Variants in RPS3A observed in about 807,000 individuals in gnomAD.
The protein encoded by RPS3A is small ribosomal subunit protein eS1.
A neutral mutation model predicts 26.4 loss-of-function variants in RPS3A; 1 was observed. That is an observed-to-expected ratio of 0.04 (90% confidence interval 0.01 to 0.18). The LOEUF (loss-of-function observed/expected upper bound fraction) is 0.18. Among genes scored for constraint, RPS3A ranks in the 10% least tolerant of loss-of-function variants. The probability of loss-of-function intolerance (pLI) is 1.00; values close to 1 mark genes in which losing one functional copy is unlikely to be tolerated. For synonymous variants in RPS3A, 97 were observed against 106.1 expected, an observed-to-expected ratio of 0.91 and a Z score of 0.53; for missense variants, 139 against 326.8, an observed-to-expected ratio of 0.43 and a Z score of 4.43.
intron 4 of RPS3A, 175 bp from the exon 5 acceptor site, chr4:151,104,002 A>T: frequency 6.7e-7 from 1 of 1,503,448 alleles, no homozygotes; most frequent in Admixed American, 2.3e-5. Context: ...CAGATCATCT[A>T]TCCTTTACAT....
intron 3 of RPS3A, chr4:151,102,156 T>C (rs561277411): frequency 4.2e-5 from 20 of 478,564 alleles, no homozygotes; most frequent in African/African-American, 3.6e-4. Flanking sequence ...TTTACATTTC[T>C]AGAAATATTT....
intron 4 of RPS3A, chr4:151,103,316 C>A: frequency 2.6e-6 from 2 of 770,258 alleles, no homozygotes; most frequent in Non-Finnish European, 3.6e-6. Flanking sequence ...GTATTGTGAT[C>A]CTCCTTGGCT....
intron 5 of RPS3A, 28 bp from the exon 6 acceptor site, chr4:151,104,439 GTTTTT>G: frequency 5.3e-4 from 373 of 710,008 alleles, no homozygotes; most frequent in East Asian, 1.3e-3. Context: ...CAGTTTTTTG[GTTTTT>G]TTTTTTTTTT....
intron 4 of RPS3A, chr4:151,103,750 A>G (rs1747232413): frequency 8.4e-7 from 1 of 1,186,230 alleles, no homozygotes. Flanking sequence ...AATAAAAAAT[A>G]TACGTATATA....
intron 4 of RPS3A, chr4:151,103,613 C>T (rs1362550034): frequency 3.5e-5 from 37 of 1,050,780 alleles, no homozygotes; most frequent in Non-Finnish European, 4.3e-5. Flanking sequence ...GGAAAATACA[C>T]TGAATAAGTT....
chr4:151,102,932 G>A lies in RPS3A; in HGVS notation c.416G>A (p.Cys139Tyr). Residue 139 changes from cysteine (C) to tyrosine (Y), a missense_variant, in exon 4 of 6, where the codon TGT becomes TAT. By Grantham distance (194) the Cys-to-Tyr change is radical. Coordinates refer to ENST00000274065, the MANE Select transcript of RPS3A (RefSeq NM_001006.5). ...GATGGTTACTTGCTTCGTCTGTTCT[G>A]TGTTGGTTTTACTAAAAAACGCAAC... Reference protein sequence around the residue: ...TTDGYLLRLFCVGFTKKRNNQ... With the variant: ...TTDGYLLRLFYVGFTKKRNNQ... 3 of 1,611,994 alleles carry A rather than the reference G, an allele frequency of 1.9e-6. No homozygotes were observed. Among genetic ancestry groups the A allele is most frequent in the Non-Finnish European group, 2.5e-6 (3 of 1,179,132 alleles).
At chr4:151,099,793 G>A in intron 1 of RPS3A, 79 bp downstream of exon 1, 1 of 1,442,166 alleles carries the variant, frequency 6.9e-7, no homozygotes, top group Non-Finnish European at 9.6e-7. Context: ...CGCGGCGTAG[G>A]CCGGATGGCG....
Position 151,100,885 on chromosome 4 carries a change from C to T in RPS3A, c.167-90C>T, listed in dbSNP as rs1169093702. 4.6e-6 allele frequency: 4 copies of T among 864,336 alleles called. No homozygotes were observed. The African/African-American group carries it at 5.1e-5, about 11-fold the overall frequency. The allele number at this position is 864,336 out of a possible 1,614,324, so 53.5% of individuals were successfully genotyped here. A position where few individuals can be genotyped will look rare whatever the true frequency, so the allele number is the denominator to read the frequency against. On this transcript the variant is annotated intron_variant, in intron 2 of 5. Coordinates refer to ENST00000274065, the MANE Select transcript of RPS3A (RefSeq NM_001006.5). ...CAAAGGTTAAGGTCTTTATAATTTA[C>T]CATTAACTTAATTTCTACCCTCAGT...
chr4:151,100,630 G>C (rs769238212), intron 2 of RPS3A, 42 bp downstream of exon 2: 11 of 1,171,924 alleles, frequency 9.4e-6, no homozygotes, highest in Non-Finnish European at 1.4e-5. Flanking sequence ...TTAAGTTGGC[G>C]CTTGTATATT....
intron 3 of RPS3A, chr4:151,102,048 G>A (rs762206338): frequency 3.9e-6 from 2 of 518,068 alleles, no homozygotes; most frequent in South Asian, 1.4e-5. Flanking sequence ...CGAATATTTT[G>A]TATGTGGGAA....
At chr4:151,104,439 G>GTT (rs386401872) in intron 5 of RPS3A, 33 bp from the exon 6 acceptor site, 78,559 of 679,610 alleles carry the variant, frequency 0.12, 814 homozygotes, top group Middle Eastern at 0.13. Context: ...CAGTTTTTTG[G>GTT]TTTTTTTTTT....
At chr4:151,103,207 C>A in intron 4 of RPS3A, 128 bp downstream of exon 4, 1 of 1,414,506 alleles carries the variant, frequency 7.1e-7, no homozygotes. Context: ...CTAGCTATAT[C>A]TCTTTAAGTG....
intron 1 of RPS3A, 152 bp downstream of exon 1, chr4:151,099,866 G>C: frequency 1.2e-6 from 1 of 829,632 alleles, no homozygotes; most frequent in Non-Finnish European, 2.0e-6. Context: ...CGGCCTGGAG[G>C]GTCGGTGTTG....
intron 4 of RPS3A, chr4:151,103,946 G>T: frequency 6.6e-7 from 1 of 1,517,206 alleles, no homozygotes; most frequent in Middle Eastern, 1.8e-4. Context: ...ATAAGGCTTG[G>T]ACTCAGAAGA....
chr4:151,104,034 A>C, intron 4 of RPS3A, 143 bp from the exon 5 acceptor site: 1 of 1,489,222 alleles, frequency 6.7e-7, no homozygotes, highest in Non-Finnish European at 9.0e-7. Flanking sequence ...ATAATGGCTT[A>C]TCTTAACAGG....
intron 2 of RPS3A, 67 bp downstream of exon 2, chr4:151,100,655 G>T: frequency 1.0e-6 from 1 of 969,164 alleles, no homozygotes; most frequent in South Asian, 1.3e-5. Flanking sequence ...CAGGCATCTT[G>T]GTCTGTTGTT....
chr4:151,099,931 G>C (rs932835479), intron 1 of RPS3A: 1 of 529,556 alleles, frequency 1.9e-6, no homozygotes, highest in African/African-American at 1.9e-5. Context: ...CGCGCGTCGC[G>C]TTTGAGCCGG....
At chr4:151,103,617 A>G (rs1356916334) in intron 4 of RPS3A, 4 of 1,060,726 alleles carry the variant, frequency 3.8e-6, no homozygotes, top group Admixed American at 9.3e-5. Context: ...AATACACTGA[A>G]TAAGTTGAGT....
At chr4:151,104,439 G>GGT in intron 5 of RPS3A, 33 bp from the exon 6 acceptor site, 2 of 710,326 alleles carry the variant, frequency 2.8e-6, no homozygotes, top group South Asian at 4.7e-5. Flanking sequence ...CAGTTTTTTG[G>GGT]TTTTTTTTTT....
Sources: allele counts gnomAD v4.1 joint callset, GRCh38; gene constraint gnomAD v4.1.1; transcripts MANE v1.5; gene names NCBI Gene and HGNC (gene_info 2026-07-23, HGNC 2026-07-21).